The following OTUD7A variants were observed in gnomAD, a reference collection of about 807,000 sequenced individuals.
OTUD7A encodes the protein OTU domain-containing protein 7A.
A neutral mutation model predicts 65.7 loss-of-function variants in OTUD7A; 12 were observed. That is an observed-to-expected ratio of 0.18 (90% confidence interval 0.12 to 0.30). The LOEUF is 0.30. OTUD7A is among the 10% of genes least tolerant of loss of function. OTUD7A has a pLI of 1.00. For synonymous variants in OTUD7A, 641 were observed against 586.3 expected (o/e 1.09, Z -1.35); for missense variants, 1,148 against 1,304.8 (o/e 0.88, Z 1.85).
intron 1 of OTUD7A, among the ~76,000 whole-genome samples, chr15:31,659,057 AAATAAATAAATAAATAAAT>A: frequency 9.6e-6 from 1 of 104,220 alleles, no homozygotes; most frequent in East Asian, 2.4e-4. Context: ...ATAAATAAAT[AAATAAATAAATAAATAAAT>A]AAATAAAATA....
intron 1 of OTUD7A, among the ~76,000 whole-genome samples, chr15:31,671,137 A>G (rs1175587032): frequency 6.6e-6 from 1 of 152,168 alleles, no homozygotes; most frequent in Non-Finnish European, 1.5e-5. Flanking sequence ...TTGCCATGAA[A>G]TCTTTGCCCA....
At chr15:31,677,627 T>G (rs1189211148) in intron 1 of OTUD7A, among the ~76,000 whole-genome samples, 2 of 152,230 alleles carry the variant, frequency 1.3e-5, no homozygotes, top group African/African-American at 4.8e-5. Flanking sequence ...CCCGCTGTCC[T>G]GTAAAGAAGG....
At chr15:31,815,457 A>G (rs1357542476) in intron 1 of OTUD7A, among the ~76,000 whole-genome samples, 5 of 152,260 alleles carry the variant, frequency 3.3e-5, no homozygotes, top group African/African-American at 1.2e-4. Flanking sequence ...ATTCTGACTT[A>G]CAGATGAACA....
At chr15:31,522,942 C>A (rs2041957742) in intron 8 of OTUD7A, among the ~76,000 whole-genome samples, 1 of 152,254 alleles carries the variant, frequency 6.6e-6, no homozygotes. Context: ...TGTCTCCATA[C>A]CAGGGGCTCC....
intron 1 of OTUD7A, among the ~76,000 whole-genome samples, chr15:31,799,538 T>C (rs751093654): frequency 8.5e-5 from 13 of 152,064 alleles, no homozygotes; most frequent in Non-Finnish European, 1.5e-4. Context: ...TTCTGTCCCC[T>C]CTCTCTCCAC....
chr15:31,616,050 T>C (rs926219285), intron 3 of OTUD7A, among the ~76,000 whole-genome samples: 4 of 152,282 alleles, frequency 2.6e-5, no homozygotes, highest in Middle Eastern at 3.4e-3. Context: ...ATGGTAGACA[T>C]GAATGAAAAT....
At chr15:31,847,712 A>G (rs1181955748) in intron 1 of OTUD7A, among the ~76,000 whole-genome samples, 1 of 152,220 alleles carries the variant, frequency 6.6e-6, no homozygotes, top group Non-Finnish European at 1.5e-5. Context: ...ACTGGTATAA[A>G]GAAATACCTG....
chr15:31,484,081 A>G lies in OTUD7A; in HGVS notation c.2015T>C (p.Phe672Ser), dbSNP rs752571328. The change falls in exon 13 of 13, where the codon TTC becomes TCC. Residue 672 changes from phenylalanine (F) to serine (S), a missense_variant. By Grantham distance (155) the Phe-to-Ser change is radical (BLOSUM62 -2). Coordinates refer to ENST00000307050, the MANE Select transcript of OTUD7A (RefSeq NM_001382637.1). The surrounding 1 kb of genome is among the most constrained non-coding windows in gnomAD (Gnocchi z 4.5). ...GCGCCGCTGCTCCTGCTCGGCGCTG[A>G]AGCGCTCCTGCGCGCTCGTCAGGTA... ...GYYLTSAQER[F>S]SAEQEQRRRD... The G allele has an allele frequency of 6.3e-7, 1 of 1,595,146 alleles. No homozygotes were observed. Among genetic ancestry groups the G allele is most frequent in the African/African-American group, 1.3e-5 (1 of 74,694 alleles).
intron 1 of OTUD7A, among the ~76,000 whole-genome samples, chr15:31,863,011 G>C (rs1368848702): frequency 6.6e-6 from 1 of 152,172 alleles, no homozygotes; most frequent in Non-Finnish European, 1.5e-5. Context: ...CCAAAATAAA[G>C]GGGTTACAAG....
At chr15:31,622,125 A>T (rs994512421) in intron 3 of OTUD7A, among the ~76,000 whole-genome samples, 2 of 152,210 alleles carry the variant, frequency 1.3e-5, no homozygotes, top group African/African-American at 2.4e-5. Flanking sequence ...GTTTCTGCCG[A>T]GAGATCAGCT....
At chr15:31,594,060 A>C (rs1381439965) in intron 3 of OTUD7A, among the ~76,000 whole-genome samples, 1 of 152,226 alleles carries the variant, frequency 6.6e-6, no homozygotes, top group Admixed American at 6.5e-5. Flanking sequence ...TTTAACCTTA[A>C]AATGGTTCTT....
At chr15:31,555,712 G>A (rs552279673) in intron 5 of OTUD7A, among the ~76,000 whole-genome samples, 1 of 152,186 alleles carries the variant, frequency 6.6e-6, no homozygotes, top group African/African-American at 2.4e-5. Context: ...GACCTCGCTT[G>A]AGAGCAGAGG....
intron 1 of OTUD7A, among the ~76,000 whole-genome samples, chr15:31,741,580 A>G (rs1203379724): frequency 3.3e-5 from 5 of 152,198 alleles, no homozygotes; most frequent in African/African-American, 1.2e-4. Context: ...ATAAAAATAC[A>G]ATAACCCAAC....
At chr15:31,751,334 A>G (rs1894629559) in intron 1 of OTUD7A, among the ~76,000 whole-genome samples, 1 of 152,224 alleles carries the variant, frequency 6.6e-6, no homozygotes, top group South Asian at 2.1e-4. Flanking sequence ...ATCACTAATC[A>G]TCAGAGAAAT....
intron 3 of OTUD7A, among the ~76,000 whole-genome samples, chr15:31,601,636 C>CA (rs1890078918): frequency 6.6e-6 from 1 of 151,846 alleles, no homozygotes; most frequent in East Asian, 1.9e-4. Context: ...GATAGAGACA[C>CA]AAAAAACCCT....
chr15:31,663,085 CT>C (rs1892212615), intron 1 of OTUD7A, among the ~76,000 whole-genome samples: 1 of 148,796 alleles, frequency 6.7e-6, no homozygotes, highest in Non-Finnish European at 1.5e-5. Context: ...TGGAGTATCC[CT>C]CTATTGCCAA....
chr15:31,524,566 C>T (rs778963837), intron 8 of OTUD7A, among the ~76,000 whole-genome samples: 1 of 151,546 alleles, frequency 6.6e-6, no homozygotes, highest in Non-Finnish European at 1.5e-5. Flanking sequence ...TCCCTCCTTC[C>T]GTTCCCCCAA....
chr15:31,823,625 C>T (rs888843495), intron 1 of OTUD7A, among the ~76,000 whole-genome samples: 3 of 152,322 alleles, frequency 2.0e-5, no homozygotes, highest in South Asian at 2.1e-4. Context: ...ACCTACCTGA[C>T]GTAAAATATC....
chr15:31,539,468 G>A (rs2141133406), intron 5 of OTUD7A, among the ~76,000 whole-genome samples: 1 of 152,244 alleles, frequency 6.6e-6, no homozygotes, highest in South Asian at 2.1e-4. Flanking sequence ...AACTGGCTGG[G>A]AATCTTAAAA....
Sources: allele counts gnomAD v4.1 joint callset (sites outside exome capture counted in the v4.1 genomes callset), GRCh38; gene constraint gnomAD v4.1.1; non-coding constraint Gnocchi (gnomAD v3.1); transcripts MANE v1.5; gene names NCBI Gene and HGNC (gene_info 2026-07-23, HGNC 2026-07-21).